Variants in CEP128 observed in about 807,000 individuals in gnomAD.
The protein encoded by CEP128 is centrosomal protein 128kDa.
CEP128 carries 132 observed loss-of-function variants against 156.7 expected under a neutral mutation model. That is an observed-to-expected ratio of 0.84 (90% CI 0.73 to 0.97). The LOEUF is 0.97. Among genes scored for constraint, CEP128 ranks in the 50% least tolerant of loss-of-function variants. The pLI is 0.00. For synonymous variants in CEP128, 469 were observed against 448.9 expected (o/e 1.04, Z -0.57); for missense variants, 1,252 against 1,281.9 (o/e 0.98, Z 0.36).
intron 18 of CEP128, 30 bp downstream of exon 18, chr14:80,756,862 C>T (rs781575590): frequency 2.8e-6 from 4 of 1,418,486 alleles, no homozygotes; most frequent in Admixed American, 3.5e-5. Context: ...ATAAATATTA[C>T]AATAACTTTA....
At chr14:80,770,223 A>C (rs911955002) in intron 16 of CEP128, among the ~76,000 whole-genome samples, 1 of 152,230 alleles carries the variant, frequency 6.6e-6, no homozygotes, top group Non-Finnish European at 1.5e-5. Context: ...CCTGTAATTC[A>C]CTTAAAATCA....
At chr14:80,709,024 T>G (rs1397923465) in intron 19 of CEP128, among the ~76,000 whole-genome samples, 2 of 151,852 alleles carry the variant, frequency 1.3e-5, no homozygotes, top group African/African-American at 4.8e-5. Flanking sequence ...TTTTTTAAAA[T>G]TGTAAGTTTT....
chr14:80,855,103 T>C lies in CEP128; in HGVS notation c.762+7654A>G, dbSNP rs1566672645. 3.3e-5 allele frequency among the ~76,000 whole-genome samples: 5 copies of C among 152,266 alleles called. No individual in the cohort carries two copies. In the South Asian group the frequency reaches 6.2e-4, roughly 19 times the overall value. On this transcript the variant is annotated intron_variant, in intron 9 of 24. Coordinates refer to ENST00000555265, the MANE Select transcript of CEP128 (RefSeq NM_152446.5). ...ACTTTACCCCGTGAAGAATAAACAC[T>C]GGAGTAGGAGTTTTAGGATTTTCAC...
chr14:80,867,985 A>G (rs1472839988), intron 8 of CEP128, among the ~76,000 whole-genome samples: 1 of 152,168 alleles, frequency 6.6e-6, no homozygotes, highest in Non-Finnish European at 1.5e-5. Context: ...CATCACATAC[A>G]AGGGAACCCT....
intron 20 of CEP128, among the ~76,000 whole-genome samples, chr14:80,571,464 A>G (rs1225898957): frequency 6.6e-6 from 1 of 152,214 alleles, no homozygotes; most frequent in Non-Finnish European, 1.5e-5. Flanking sequence ...TTAAAAGTAA[A>G]CATTAAACTT....
At chr14:80,887,973 C>T (rs2195100) in intron 8 of CEP128, among the ~76,000 whole-genome samples, 62,008 of 151,922 alleles carry the variant, frequency 0.41, 13,017 homozygotes, top group South Asian at 0.51. Flanking sequence ...CAGAAATACA[C>T]ACTACCATCA....
intron 21 of CEP128, among the ~76,000 whole-genome samples, chr14:80,544,936 G>A (rs1419120128): frequency 6.6e-6 from 1 of 152,064 alleles, no homozygotes; most frequent in Non-Finnish European, 1.5e-5. Context: ...CTTTTTAAGA[G>A]GGATAAAAGT....
intron 8 of CEP128, among the ~76,000 whole-genome samples, chr14:80,875,580 A>G (rs1156514174): frequency 6.6e-6 from 1 of 152,230 alleles, no homozygotes; most frequent in East Asian, 1.9e-4. Flanking sequence ...ATGATTTTGG[A>G]AAACAATTAC....
intron 2 of CEP128, among the ~76,000 whole-genome samples, chr14:80,922,495 A>G (rs1314457327): frequency 6.6e-6 from 1 of 152,248 alleles, no homozygotes; most frequent in Non-Finnish European, 1.5e-5. Context: ...GAAACATTCT[A>G]AACTACTAGA....
At chr14:80,658,003 C>T (rs1051390471) in intron 19 of CEP128, among the ~76,000 whole-genome samples, 1 of 142,224 alleles carries the variant, frequency 7.0e-6, no homozygotes, top group South Asian at 2.3e-4. Flanking sequence ...TCGGTGACAG[C>T]GTTAAAAAAA....
At chr14:80,493,767 A>C (rs1327194358), downstream of CEP128, among the ~76,000 whole-genome samples, 4 of 152,190 alleles carry the variant, frequency 2.6e-5, no homozygotes, top group African/African-American at 9.6e-5. Context: ...TAAAACACTA[A>C]GGGTGACTTG....
intron 23 of CEP128, among the ~76,000 whole-genome samples, chr14:80,507,024 C>T (rs561992382): frequency 6.6e-6 from 1 of 151,972 alleles, no homozygotes; most frequent in South Asian, 2.1e-4. Flanking sequence ...GTGTGTGGCA[C>T]CTCCCCTCAG....
At chr14:80,652,230 C>G (rs976764892) in intron 19 of CEP128, among the ~76,000 whole-genome samples, 1 of 151,948 alleles carries the variant, frequency 6.6e-6, no homozygotes, top group South Asian at 2.1e-4. Context: ...GACCTAAAAC[C>G]ATAAAAATCC....
At chr14:80,738,399 A>C (rs1898642333) in intron 19 of CEP128, among the ~76,000 whole-genome samples, 1 of 152,246 alleles carries the variant, frequency 6.6e-6, no homozygotes, top group African/African-American at 2.4e-5. Context: ...TTCTCAGAAC[A>C]CTGGGAATGA....
At chr14:80,715,659 G>A (rs59851850) in intron 19 of CEP128, among the ~76,000 whole-genome samples, 9,890 of 152,130 alleles carry the variant, frequency 0.065, 1,060 homozygotes, top group African/African-American at 0.23. Flanking sequence ...CTTATTGAAC[G>A]GAAATTAGTA....
Position 80,718,714 on chromosome 14 carries a change from G to T in CEP128, c.2806+24361C>A, listed in dbSNP as rs141541319. On this transcript the variant is annotated intron_variant, in intron 19 of 24. Transcript: ENST00000555265. ...CTTCTGTGAGAACATTAATCTGTCA[G>T]GACTCTGTGAGGAGAGACAGCAAAG... Among the ~76,000 whole-genome samples the T allele has an allele frequency of 3.8e-3, 582 of 152,232 alleles. 4 individuals are homozygous for T. The highest frequency in any genetic ancestry group is 0.014 in the African/African-American group (561 of 41,530).
rs3213968 is a variant in CEP128 at position 80,504,900 on chromosome 14, T to G, written c.3181+12A>C. On this transcript the variant is annotated intron_variant, in intron 24 of 24. Transcript: ENST00000555265. ...TCTAATTTAAAAATGGGTACAAGAC[T>G]TCATTACTTACAGTTCACGTATGAA... is the stretch of plus-strand genomic sequence containing the variant. 1.6e-5 allele frequency: 24 copies of G among 1,458,720 alleles called. No homozygotes were observed. In the East Asian group the frequency reaches 4.8e-4, roughly 29 times the overall value. 90.4% of individuals were successfully genotyped at this position (1,458,720 alleles called of 1,614,324 possible).
chr14:80,578,433 C>T (rs535315517), intron 20 of CEP128, among the ~76,000 whole-genome samples: 36 of 152,280 alleles, frequency 2.4e-4, no homozygotes, highest in African/African-American at 8.4e-4. Context: ...ATAAAATTGA[C>T]TCCAATTTGG....
chr14:80,656,229 A>G (rs1378847091), intron 19 of CEP128, among the ~76,000 whole-genome samples: 1 of 141,980 alleles, frequency 7.0e-6, no homozygotes, highest in East Asian at 2.1e-4. Flanking sequence ...AAAAAGGTCA[A>G]TTGAAAGTGA....
Sources: gnomAD v4.1 joint callset for allele counts (sites outside exome capture counted in the v4.1 genomes callset) on GRCh38, gnomAD v4.1.1 for gene constraint, MANE v1.5 for transcripts, NCBI Gene and HGNC (gene_info 2026-07-23, HGNC 2026-07-21) for gene names.